The following PGM3 variants were observed in gnomAD, a reference collection of about 807,000 sequenced individuals.
The protein encoded by PGM3 is phosphoglucomutase 3.
Under a neutral mutation model 66.2 loss-of-function variants are expected in PGM3, and 40 were observed. The observed-to-expected ratio is 0.60, with a 90% confidence interval of 0.47 to 0.79. The LOEUF is 0.79. PGM3 is among the 30% of genes least tolerant of loss of function. PGM3 has a pLI of 0.00. For missense variants in PGM3, 537 were observed against 643.4 expected (o/e 0.83, Z 1.79); for synonymous variants, 191 against 224.2 (o/e 0.85, Z 1.32).
chr6:83,153,850 TA>T, the PGM3 span: 2 of 1,559,676 alleles, frequency 1.3e-6, no homozygotes, highest in African/African-American at 2.8e-5. Context: ...ATAGGATGAT[TA>T]AAGTTAGGAC....
rs556716576 is a variant in PGM3, at chr6:83,183,759, C to T, written c.458-781G>A. Among the ~76,000 whole-genome samples the T allele has an allele frequency of 3.3e-5, 5 of 151,962 alleles. 1 individual carries two copies. In the South Asian group the frequency reaches 1.0e-3, roughly 32 times the overall value. On this transcript the variant is annotated intron_variant, in intron 4 of 12. Transcript: ENST00000513973. ...TTTTTTTTTTGAGACGGAGTTTCAC[C>T]GTATCGCTCAGGCTGGAGTGCAATG... is the stretch of plus-strand genomic sequence containing the variant.
chr6:83,172,935 GACAGAGTGAC>G (rs1223972643), intron 10 of PGM3, among the ~76,000 whole-genome samples: 6 of 152,230 alleles, frequency 3.9e-5, no homozygotes, highest in Non-Finnish European at 5.9e-5. Flanking sequence ...ACGGGTGGCT[GACAGAGTGAC>G]ACCTTTGCTT....
At chr6:83,182,060 ATT>A (rs1352634428) in intron 5 of PGM3, 129 bp from the exon 6 acceptor site, 4 of 521,566 alleles carry the variant, frequency 7.7e-6, no homozygotes, top group African/African-American at 3.9e-5. Context: ...AATTTTATCA[ATT>A]ATAATTGTGT....
At chr6:83,175,637 A>G (rs141557143) in intron 9 of PGM3, among the ~76,000 whole-genome samples, 2 of 152,298 alleles carry the variant, frequency 1.3e-5, no homozygotes, top group African/African-American at 4.8e-5. Context: ...AATTCACCAT[A>G]GCGACTGAAT....
intron 5 of PGM3, 152 bp downstream of exon 5, chr6:83,182,693 A>G (rs1330690594): frequency 1.5e-6 from 1 of 674,246 alleles, no homozygotes. Flanking sequence ...ATAGACCAGA[A>G]CCTTGTGTAG....
chr6:83,170,421 G>C lies in PGM3; in HGVS notation c.1423C>G (p.Pro475Ala). The C allele has an allele frequency of 6.2e-7, 1 of 1,614,038 alleles. No homozygotes were observed. The highest frequency in any genetic ancestry group is 8.5e-7 in the Non-Finnish European group (1 of 1,179,940). Residue 475 changes from proline to alanine, a missense_variant, in exon 12 of 13, where the codon CCA becomes GCA. Pro to Ala is a conservative substitution (Grantham distance 27). Transcript: ENST00000513973. Reference sequence around the variant, plus strand: ...TCATTGATTGCCTCCTGTAATCCTGGGGGTGTAACTGCTTGTCTTTCAGCA... The same window carrying C: ...TCATTGATTGCCTCCTGTAATCCTGCGGGTGTAACTGCTTGTCTTTCAGCA... ...TDAERQAVTP[P>A]GLQEAINDLV...
Position 83,166,483 on chromosome 6 carries a change from A to G in PGM3, c.*2751T>C. ...CTTTATAACCTATTTTGAACTCAGA[A>G]AATCGCTAAATTTGATTTTTGTCTA... On this transcript the variant is annotated 3_prime_UTR_variant, in exon 13 of 13. Transcript: ENST00000513973. 1.4e-6 allele frequency: 1 copy of G among 698,726 alleles called. No homozygotes were observed. The highest frequency in any genetic ancestry group is 2.6e-6 in the Non-Finnish European group (1 of 384,016). 43.3% of individuals were successfully genotyped at this position (698,726 alleles called of 1,614,324 possible). A position where few individuals can be genotyped will look rare whatever the true frequency, so the allele number is the denominator to read the frequency against.
intron 3 of PGM3, chr6:83,188,393 T>C (rs1216065098): frequency 6.9e-6 from 3 of 435,888 alleles, no homozygotes; most frequent in Non-Finnish European, 1.2e-5. Flanking sequence ...ATTCTGCAGC[T>C]TGGGTTTTGG....
chr6:83,163,837 G>C (rs1259015727), downstream of PGM3, among the ~76,000 whole-genome samples: 1 of 152,052 alleles, frequency 6.6e-6, no homozygotes, highest in Non-Finnish European at 1.5e-5. Flanking sequence ...AAGGGGAAAA[G>C]TGGGAATTTA....
Position 83,168,019 on chromosome 6 carries a change from G to A in PGM3, c.*1215C>T, listed in dbSNP as rs762285166. Reference sequence around the variant, plus strand: ...AGCAAAGTCACAAGCCGATGTGGAGGACACTCAGGGAGTCCTATCCTCTAC... The same window carrying A: ...AGCAAAGTCACAAGCCGATGTGGAGAACACTCAGGGAGTCCTATCCTCTAC... On this transcript the variant is annotated 3_prime_UTR_variant, in exon 13 of 13. Transcript: ENST00000513973. 1 of 1,614,164 alleles carries A rather than the reference G, an allele frequency of 6.2e-7. No individual in the cohort carries two copies. The highest frequency in any genetic ancestry group is 8.5e-7 in the Non-Finnish European group (1 of 1,180,038).
At chr6:83,190,385 T>C (rs547421990) in intron 2 of PGM3, 46 of 169,300 alleles carry the variant, frequency 2.7e-4, no homozygotes, top group African/African-American at 1.0e-3. Context: ...TGTTTGTTCA[T>C]TCAGAACAAG....
At chr6:83,157,144 A>C, downstream of PGM3, 1 of 1,600,130 alleles carries the variant, frequency 6.2e-7, no homozygotes, top group South Asian at 1.1e-5. Flanking sequence ...TGTGATAAAG[A>C]TTATTTAGTT....
At chr6:83,158,242 C>G (rs1783302219), downstream of PGM3, among the ~76,000 whole-genome samples, 3 of 152,128 alleles carry the variant, frequency 2.0e-5, no homozygotes, top group Admixed American at 2.0e-4. Context: ...ACCTTGTGAT[C>G]TGCCCACCTC....
intron 6 of PGM3, among the ~76,000 whole-genome samples, 184 bp from the exon 7 acceptor site, chr6:83,180,151 A>T (rs1788070953): frequency 6.6e-6 from 1 of 152,222 alleles, no homozygotes; most frequent in African/African-American, 2.4e-5. Context: ...TGCAAAGTGA[A>T]AAAAGGAGCA....
At chr6:83,163,233 A>G (rs1363453265), downstream of PGM3, among the ~76,000 whole-genome samples, 9 of 152,212 alleles carry the variant, frequency 5.9e-5, no homozygotes, top group Admixed American at 3.9e-4. Flanking sequence ...GGAACCATAC[A>G]TGTGAGTATT....
At chr6:83,173,420 A>T (rs141087463) in intron 10 of PGM3, among the ~76,000 whole-genome samples, 3 of 152,222 alleles carry the variant, frequency 2.0e-5, no homozygotes, top group African/African-American at 7.2e-5. Flanking sequence ...CTTTTTATAA[A>T]TAGATCCCTT....
At chr6:83,170,790 TAAG>T (rs748981634) in intron 11 of PGM3, 65 of 208,018 alleles carry the variant, frequency 3.1e-4, no homozygotes, top group African/African-American at 8.2e-4. Flanking sequence ...GCCCATTATA[TAAG>T]AAGACCGATA....
In PGM3 at chr6:83,168,291, T is replaced by C. The variant is rs543973648; in HGVS notation, c.*943A>G. ...AGAACACATTTCAGATTGTATTTAATTTAAATATTTGTATATAAGAGCAAA... is the reference window on the plus strand; with the variant it reads ...AGAACACATTTCAGATTGTATTTAACTTAAATATTTGTATATAAGAGCAAA... On this transcript the variant is annotated 3_prime_UTR_variant, in exon 13 of 13. Coordinates refer to ENST00000513973, the MANE Select transcript of PGM3 (RefSeq NM_015599.3). The C allele has an allele frequency of 7.0e-7, 1 of 1,432,900 alleles. No individual in the cohort carries two copies. Among genetic ancestry groups the C allele is most frequent in the African/African-American group, 1.4e-5 (1 of 69,638 alleles). 88.8% of individuals were successfully genotyped at this position (1,432,900 alleles called of 1,614,324 possible).
At chr6:83,175,865 A>G (rs1787725053) in intron 9 of PGM3, 97 bp downstream of exon 9, 6 of 652,380 alleles carry the variant, frequency 9.2e-6, no homozygotes, top group East Asian at 5.3e-5. Context: ...AATTATTTCA[A>G]CAAAGTACAA....
Sources: allele counts gnomAD v4.1 joint callset (sites outside exome capture counted in the v4.1 genomes callset), GRCh38; gene constraint gnomAD v4.1.1; transcripts MANE v1.5; gene names NCBI Gene and HGNC (gene_info 2026-07-23, HGNC 2026-07-21).